The following PCDH11Y variants were observed in gnomAD, a reference collection of about 807,000 sequenced individuals.
PCDH11Y encodes the protein protocadherin-11 Y-linked.
For missense variants in PCDH11Y, 12 were observed against 224.8 expected, an observed-to-expected ratio of 0.05 and a Z score of 6.05; for synonymous variants, 9 against 83.6, an observed-to-expected ratio of 0.11 and a Z score of 4.87.
chrY:5,655,207 G>T, intron 4 of PCDH11Y, among the ~76,000 whole-genome samples: 2 of 28,119 alleles, frequency 7.1e-5, no homozygotes, highest in Admixed American at 6.6e-4. Context: ...TTTGTTTTAC[G>T]GGGTTTGATA....
At chrY:5,096,438 C>CGTGTGT (rs367616063) in intron 1 of PCDH11Y, among the ~76,000 whole-genome samples, 2 of 19,763 alleles carry the variant, frequency 1.0e-4, no homozygotes, top group Non-Finnish European at 2.3e-4. Flanking sequence ...TTTAGATGTA[C>CGTGTGT]GTGTGTGTGT....
chrY:5,330,182 G>A (rs2053129299), intron 2 of PCDH11Y, among the ~76,000 whole-genome samples: 1 of 32,267 alleles, frequency 3.1e-5, no homozygotes. Flanking sequence ...AGTGGGGGTC[G>A]CAAGGTGCTC....
chrY:5,292,867 G>C, intron 2 of PCDH11Y, among the ~76,000 whole-genome samples: 5 of 33,223 alleles, frequency 1.5e-4, no homozygotes, highest in African/African-American at 5.8e-4. Flanking sequence ...TTGTTTGTTT[G>C]TTTTTATGTA....
intron 2 of PCDH11Y, among the ~76,000 whole-genome samples, chrY:5,244,042 C>T: frequency 3.0e-5 from 1 of 33,223 alleles, no homozygotes; most frequent in Non-Finnish European, 7.4e-5. Context: ...TCAGCAAGTG[C>T]AAAGGAACTG....
intron 2 of PCDH11Y, among the ~76,000 whole-genome samples, chrY:5,194,951 A>G: frequency 3.0e-5 from 1 of 33,164 alleles, no homozygotes; most frequent in African/African-American, 1.2e-4. Context: ...TGTATTTACA[A>G]TCCTTTAGCT....
intron 3 of PCDH11Y, among the ~76,000 whole-genome samples, chrY:5,545,464 G>A: frequency 3.1e-5 from 1 of 32,225 alleles, no homozygotes; most frequent in Non-Finnish European, 7.8e-5. Flanking sequence ...CATAAATTAG[G>A]TTATGCACAT....
At chrY:5,356,582 A>G in intron 2 of PCDH11Y, among the ~76,000 whole-genome samples, 1 of 32,051 alleles carries the variant, frequency 3.1e-5, no homozygotes, top group Admixed American at 2.9e-4. Flanking sequence ...TTAGCTTTTA[A>G]TATTTAACTT....
chrY:5,043,908 A>G (rs1602845842), intron 3 of PCDH11Y, among the ~76,000 whole-genome samples: 1 of 33,345 alleles, frequency 3.0e-5, no homozygotes, highest in Non-Finnish European at 7.4e-5. Flanking sequence ...AGAGGTGTTT[A>G]TAGTATTCTC....
At chrY:5,500,858 T>C in intron 2 of PCDH11Y, among the ~76,000 whole-genome samples, 199 bp from the exon 4 acceptor site, 1 of 33,744 alleles carries the variant, frequency 3.0e-5, no homozygotes, top group Non-Finnish European at 7.3e-5. Context: ...TGAAATATAA[T>C]GGAAGCAACA....
At chrY:5,416,794 C>A in intron 2 of PCDH11Y, among the ~76,000 whole-genome samples, 1 of 32,892 alleles carries the variant, frequency 3.0e-5, no homozygotes, top group African/African-American at 1.2e-4. Context: ...CCTCAGATGT[C>A]ATGCTGGAAG....
chrY:5,395,477 A>G (rs2053226014), intron 2 of PCDH11Y, among the ~76,000 whole-genome samples: 1 of 32,493 alleles, frequency 3.1e-5, no homozygotes. Flanking sequence ...TTGTCTGGCC[A>G]AACAGTATTA....
chrY:5,685,329 T>C (rs2053562246), intron 4 of PCDH11Y, among the ~76,000 whole-genome samples: 1 of 30,950 alleles, frequency 3.2e-5, no homozygotes, highest in Non-Finnish European at 7.9e-5. Flanking sequence ...GTTGCTGTTT[T>C]GGTTTGAGCA....
At chrY:5,091,848 T>C in intron 1 of PCDH11Y, among the ~76,000 whole-genome samples, 1 of 32,168 alleles carries the variant, frequency 3.1e-5, no homozygotes, top group Admixed American at 2.9e-4. Flanking sequence ...TTCAAGAATC[T>C]GTTCTTAATT....
At chrY:5,216,405 CCT>C (rs2052946349) in intron 2 of PCDH11Y, among the ~76,000 whole-genome samples, 1 of 29,743 alleles carries the variant, frequency 3.4e-5, no homozygotes, top group Non-Finnish European at 8.1e-5. Context: ...CAAGAAATTT[CCT>C]CTGTTTGACC....
chrY:5,404,307 G>C, intron 2 of PCDH11Y, among the ~76,000 whole-genome samples: 1 of 33,200 alleles, frequency 3.0e-5, no homozygotes, highest in Non-Finnish European at 7.4e-5. Context: ...ATTTAAAATT[G>C]TTAATTATAG....
intron 2 of PCDH11Y, among the ~76,000 whole-genome samples, chrY:5,482,159 C>T (rs2053327494): frequency 3.1e-5 from 1 of 31,783 alleles, no homozygotes; most frequent in African/African-American, 1.2e-4. Context: ...GCCACTATGC[C>T]CAGCTAATTT....
At chrY:5,687,752 G>GT (rs2053564879) in intron 4 of PCDH11Y, among the ~76,000 whole-genome samples, 9 of 32,806 alleles carry the variant, frequency 2.7e-4, no homozygotes, top group African/African-American at 1.1e-3. Context: ...AGAATAAACC[G>GT]TAAGTCAATT....
intron 2 of PCDH11Y, among the ~76,000 whole-genome samples, chrY:5,485,510 G>A: frequency 3.1e-5 from 1 of 31,909 alleles, no homozygotes; most frequent in Non-Finnish European, 7.6e-5. Flanking sequence ...CGCAATTCCT[G>A]TGGCAATTAA....
chrY:5,003,090 C>A, intron 1 of PCDH11Y, among the ~76,000 whole-genome samples: 1 of 34,382 alleles, frequency 2.9e-5, no homozygotes, highest in Non-Finnish European at 7.4e-5. Context: ...GGCTCGCAGC[C>A]CCCCCCCTTC....
Sources: allele counts gnomAD v4.1 joint callset (sites outside exome capture counted in the v4.1 genomes callset), GRCh38; gene constraint gnomAD v4.1.1; transcripts MANE v1.5; gene names NCBI Gene and HGNC (gene_info 2026-07-23, HGNC 2026-07-21).